The following COL5A1 variants were observed in gnomAD, a reference collection of about 807,000 sequenced individuals.
COL5A1 encodes the protein collagen type V alpha 1 chain.
COL5A1 carries 16 observed loss-of-function variants against 263.7 expected under a neutral mutation model. The ratio of observed to expected loss-of-function variants is 0.06; its 90% CI spans 0.04 to 0.09. The LOEUF is 0.09. Among genes scored for constraint, COL5A1 ranks in the 10% least tolerant of loss-of-function variants. The pLI is 1.00. For missense variants in COL5A1, 2,036 were observed against 2,540.5 expected (o/e 0.80, Z 4.27); for synonymous variants, 1,012 against 1,004.5 (o/e 1.01, Z -0.14).
chr9:134,824,618 A>T lies in COL5A1; in HGVS notation c.4717A>T (p.Ile1573Phe), dbSNP rs373448943. 5 of 1,614,094 alleles carry T rather than the reference A, an allele frequency of 3.1e-6. No homozygotes were observed. The highest frequency in any genetic ancestry group is 4.5e-5 in the East Asian group (2 of 44,872). ...PGPPGPPGEVIQPLPIQASRT... is the reference protein window; with the variant it reads ...PGPPGPPGEVFQPLPIQASRT... ...CCCCCAGGGCCCCCCGGGAGAGGTC[A>T]TCCAGCCCCTGCCAATCCAGGCATC... Residue 1573 changes from isoleucine to phenylalanine, a missense_variant, in exon 62 of 66, where the codon ATC becomes TTC. Coordinates refer to ENST00000371817, the MANE Select transcript of COL5A1 (RefSeq NM_000093.5).
intron 1 of COL5A1, among the ~76,000 whole-genome samples, chr9:134,650,396 T>C (rs1207987686): frequency 6.6e-6 from 1 of 151,480 alleles, no homozygotes; most frequent in Non-Finnish European, 1.5e-5. Context: ...ACAGATGGGG[T>C]CCATATGCAA....
In COL5A1 at chr9:134,682,872, C is replaced by T. The variant is rs181287626; in HGVS notation, c.110-8040C>T. On this transcript the variant is annotated intron_variant, in intron 1 of 65. Transcript: ENST00000371817. This position sits in a 1 kb window ranked among gnomAD's most constrained non-coding sequence, Gnocchi z 5.1. ...CGGGGACTGCGGCCAGCACATCATC[C>T]GGTGGGGACAGACAGCCTGGGCTTC... Among the ~76,000 whole-genome samples the T allele has an allele frequency of 2.9e-3, 445 of 152,304 alleles. 18 individuals carry two copies. The South Asian group carries it at 0.068, about 23-fold the overall frequency.
chr9:134,754,575 C>G lies in COL5A1; in HGVS notation c.1827+249C>G, dbSNP rs889632056. On this transcript the variant is annotated intron_variant, in intron 16 of 65. Coordinates refer to ENST00000371817, the MANE Select transcript of COL5A1 (RefSeq NM_000093.5). This position sits in a 1 kb window ranked among gnomAD's most constrained non-coding sequence, Gnocchi z 4.3. ...GGGCACATTCATTTAGTTTAATAAACCTTTCTAATTCAAGAAACTTCCCAG... is the reference window on the plus strand; with the variant it reads ...GGGCACATTCATTTAGTTTAATAAAGCTTTCTAATTCAAGAAACTTCCCAG... Among the ~76,000 whole-genome samples the G allele has an allele frequency of 5.9e-5, 9 of 152,076 alleles. No homozygotes were observed. The highest frequency in any genetic ancestry group is 1.2e-4 in the African/African-American group (5 of 41,304).
intron 8 of COL5A1, 98 bp downstream of exon 8, chr9:134,731,761 C>T (rs539375090): frequency 2.0e-5 from 27 of 1,323,538 alleles, no homozygotes; most frequent in Middle Eastern, 2.3e-4. Context: ...TGGGCCTCTA[C>T]GGGCAGCTCA....
At chr9:134,736,731 C>T (rs1281127176) in intron 9 of COL5A1, among the ~76,000 whole-genome samples, 1 of 152,242 alleles carries the variant, frequency 6.6e-6, no homozygotes, top group African/African-American at 2.4e-5. Flanking sequence ...CTCAAATTAT[C>T]TATCTTGAAG....
At chr9:134,724,445 CTGCT>C (rs1834574773) in intron 4 of COL5A1, among the ~76,000 whole-genome samples, 2 of 152,240 alleles carry the variant, frequency 1.3e-5, no homozygotes, top group Admixed American at 1.3e-4. Context: ...ACAGAGCTTA[CTGCT>C]TTTCCAAGTG....
chr9:134,738,553 GCT>G, intron 10 of COL5A1, 38 bp downstream of exon 10: 3 of 1,613,722 alleles, frequency 1.9e-6, no homozygotes, highest in Non-Finnish European at 2.5e-6. Context: ...TGCAGAAGGT[GCT>G]CTTGGTGGGG....
chr9:134,780,968 G>T (rs1837229065), intron 28 of COL5A1, among the ~76,000 whole-genome samples: 1 of 152,258 alleles, frequency 6.6e-6, no homozygotes, highest in Non-Finnish European at 1.5e-5. Flanking sequence ...AGGCATGTTG[G>T]TCCCCTTTGC....
At chr9:134,736,677 G>A (rs528847362) in intron 9 of COL5A1, among the ~76,000 whole-genome samples, 60 of 152,288 alleles carry the variant, frequency 3.9e-4, no homozygotes, top group African/African-American at 1.4e-3. Flanking sequence ...TCAAAAGTTC[G>A]AAGTCCAGAG....
In COL5A1 at chr9:134,794,371, C is replaced by T. The variant is rs1837821224; in HGVS notation, c.2701-711C>T. ...AAAGAAACCAGTCAAGTTCAGGAAG[C>T]TGAGTTGGGACACGGTGGGGGATGT... On this transcript the variant is annotated intron_variant, in intron 32 of 65. Coordinates refer to ENST00000371817, the MANE Select transcript of COL5A1 (RefSeq NM_000093.5). This position sits in a 1 kb window ranked among gnomAD's most constrained non-coding sequence, Gnocchi z 4.3. Among the ~76,000 whole-genome samples, 1 of 151,684 alleles carries T rather than the reference C, an allele frequency of 6.6e-6. No individual in the cohort carries two copies. Among genetic ancestry groups the T allele is most frequent in the Non-Finnish European group, 1.5e-5 (1 of 67,960 alleles).
At chr9:134,744,326 T>C (rs557456814) in intron 11 of COL5A1, among the ~76,000 whole-genome samples, 3 of 149,852 alleles carry the variant, frequency 2.0e-5, no homozygotes, top group East Asian at 4.0e-4. Flanking sequence ...CATGCACTCA[T>C]GCACACACAC....
intron 43 of COL5A1, 124 bp from the exon 44 acceptor site, chr9:134,810,131 A>G: frequency 9.8e-7 from 1 of 1,022,964 alleles, no homozygotes; most frequent in Admixed American, 1.7e-5. Context: ...TATTCGTAGG[A>G]AAGTTTTAGG....
intron 36 of COL5A1, 132 bp downstream of exon 36, chr9:134,797,033 C>G: frequency 1.0e-6 from 1 of 1,003,270 alleles, no homozygotes; most frequent in Non-Finnish European, 1.6e-6. Context: ...TGGAGGGAGG[C>G]CCGAGGTGAA....
chr9:134,749,609 A>G (rs7032250), intron 11 of COL5A1, among the ~76,000 whole-genome samples: 11,895 of 152,246 alleles, frequency 0.078, 1,476 homozygotes, highest in African/African-American at 0.27. Context: ...CGTCTCACTC[A>G]GGTGGTGTGA....
At chr9:134,724,916 A>G (rs924806768) in intron 4 of COL5A1, among the ~76,000 whole-genome samples, 4 of 151,836 alleles carry the variant, frequency 2.6e-5, no homozygotes, top group Admixed American at 1.3e-4. Flanking sequence ...CCAGGCTCGG[A>G]TGAACCGTGG....
chr9:134,644,200 TG>T (rs1037148089), intron 1 of COL5A1, among the ~76,000 whole-genome samples: 2 of 49,266 alleles, frequency 4.1e-5, no homozygotes, highest in African/African-American at 1.6e-4. Flanking sequence ...ATGCAGGCGC[TG>T]GGGGGAGGGG....
chr9:134,817,138 C>T, intron 53 of COL5A1, 59 bp downstream of exon 53: 1 of 1,486,184 alleles, frequency 6.7e-7, no homozygotes, highest in Admixed American at 1.7e-5. Flanking sequence ...CACCCCCGCC[C>T]CTCCCCGTCA....
chr9:134,728,902 G>C, intron 6 of COL5A1, 95 bp downstream of exon 6: 1 of 1,519,058 alleles, frequency 6.6e-7, no homozygotes, highest in South Asian at 1.1e-5. Context: ...AGGGTAGAGG[G>C]TTGGGGGCTG....
intron 1 of COL5A1, among the ~76,000 whole-genome samples, chr9:134,684,712 C>T (rs900433386): frequency 5.3e-5 from 8 of 152,274 alleles, no homozygotes; most frequent in African/African-American, 1.7e-4. Flanking sequence ...CCATGGGGAT[C>T]GTGGAAATGC....
Sources: allele counts gnomAD v4.1 joint callset (sites outside exome capture counted in the v4.1 genomes callset), GRCh38; gene constraint gnomAD v4.1.1; non-coding constraint Gnocchi (gnomAD v3.1); transcripts MANE v1.5; gene names NCBI Gene and HGNC (gene_info 2026-07-23, HGNC 2026-07-21).